The following ATAD2B variants were observed in gnomAD, a reference collection of about 807,000 sequenced individuals.
The protein encoded by ATAD2B is ATPase family AAA domain containing 2B.
Under a neutral mutation model 167.6 loss-of-function variants are expected in ATAD2B, and 40 were observed. The ratio of observed to expected loss-of-function variants is 0.24; its 90% CI spans 0.19 to 0.31. The LOEUF is 0.31. Ranked by LOEUF, ATAD2B falls within the 10% of genes least tolerant of loss-of-function variation. The pLI, the probability that ATAD2B is intolerant of heterozygous loss-of-function variation, is 1.00. For missense variants in ATAD2B, 1,242 were observed against 1,757.2 expected (o/e 0.71, Z 5.24); for synonymous variants, 579 against 596.5 (o/e 0.97, Z 0.43).
intron 8 of ATAD2B, 98 bp from the exon 9 acceptor site, chr2:23,869,859 C>A: frequency 1.3e-6 from 1 of 746,324 alleles, no homozygotes; most frequent in Non-Finnish European, 2.2e-6. Flanking sequence ...AAAATTCATT[C>A]AGCAAATATT....
At chr2:23,698,778 C>A in the ATAD2B span, among the ~76,000 whole-genome samples, 1 of 152,098 alleles carries the variant, frequency 6.6e-6, no homozygotes, top group Admixed American at 6.5e-5. Context: ...ATTAGCATAT[C>A]CTTCTCAAGC....
chr2:23,843,703 T>C (rs755120830), intron 13 of ATAD2B, among the ~76,000 whole-genome samples: 8 of 152,102 alleles, frequency 5.3e-5, no homozygotes, highest in Non-Finnish European at 1.2e-4. Context: ...AATCACTGCA[T>C]ACATGTGATG....
At chr2:23,797,519 A>G (rs551023026) in intron 19 of ATAD2B, among the ~76,000 whole-genome samples, 1 of 152,272 alleles carries the variant, frequency 6.6e-6, no homozygotes, top group East Asian at 1.9e-4. Flanking sequence ...TGAAAAGGAT[A>G]TAACTGATAG....
At chr2:23,681,610 AGGG>A in the ATAD2B span, among the ~76,000 whole-genome samples, 1 of 152,268 alleles carries the variant, frequency 6.6e-6, no homozygotes, top group Middle Eastern at 3.4e-3. The surrounding 1 kb of genome is among the most constrained non-coding windows in gnomAD (Gnocchi z 4.2). Context: ...CATGACACCC[AGGG>A]GGCTACCAAG....
intron 12 of ATAD2B, among the ~76,000 whole-genome samples, chr2:23,859,713 C>G (rs942338324): frequency 6.6e-6 from 1 of 151,888 alleles, no homozygotes; most frequent in African/African-American, 2.4e-5. Context: ...TTTGGGAGGT[C>G]GAGACAGGCG....
At chr2:23,746,504 T>C (rs936886722), downstream of ATAD2B, among the ~76,000 whole-genome samples, 5 of 152,248 alleles carry the variant, frequency 3.3e-5, no homozygotes, top group African/African-American at 1.2e-4. Flanking sequence ...CTCATCTTTA[T>C]GCTCCCTCAA....
chr2:23,825,708 G>C (rs183316852), intron 15 of ATAD2B, among the ~76,000 whole-genome samples: 60 of 152,092 alleles, frequency 3.9e-4, no homozygotes, highest in African/African-American at 1.4e-3. Flanking sequence ...TTCTTTAAAA[G>C]GATATACACA....
chr2:23,724,600 A>C, the ATAD2B span, among the ~76,000 whole-genome samples: 1 of 152,178 alleles, frequency 6.6e-6, no homozygotes, highest in African/African-American at 2.4e-5. Flanking sequence ...AGAAATGATT[A>C]CTGAAAACTT....
At chr2:23,842,716 C>T (rs2149819240) in intron 13 of ATAD2B, among the ~76,000 whole-genome samples, 1 of 152,256 alleles carries the variant, frequency 6.6e-6, no homozygotes, top group Admixed American at 6.5e-5. Context: ...CTAGTAAGGA[C>T]ACCCCAAACT....
At chr2:23,896,153 CAA>C (rs1158562523) in intron 1 of ATAD2B, among the ~76,000 whole-genome samples, 183 bp from the exon 2 acceptor site, 20 of 125,520 alleles carry the variant, frequency 1.6e-4, no homozygotes, top group Non-Finnish European at 1.9e-4. Context: ...CCGCCTCTAC[CAA>C]AAAAAAAAAA....
At chr2:23,818,004 T>C (rs914403607) in intron 17 of ATAD2B, among the ~76,000 whole-genome samples, 9 of 151,952 alleles carry the variant, frequency 5.9e-5, no homozygotes, top group Admixed American at 1.3e-4. Flanking sequence ...ATTAAACACG[T>C]CTTTTGATAC....
At chr2:23,904,068 G>A (rs1042136130) in intron 1 of ATAD2B, among the ~76,000 whole-genome samples, 2 of 152,090 alleles carry the variant, frequency 1.3e-5, no homozygotes, top group African/African-American at 4.8e-5. Flanking sequence ...GAAATCTAAG[G>A]AGAGGTCTAT....
chr2:23,816,122 G>T (rs1411327341), intron 17 of ATAD2B, among the ~76,000 whole-genome samples: 1 of 152,178 alleles, frequency 6.6e-6, no homozygotes, highest in Non-Finnish European at 1.5e-5. Flanking sequence ...CATCTATCTG[G>T]TTTGTAAAGA....
intron 19 of ATAD2B, 126 bp from the exon 20 acceptor site, chr2:23,788,773 G>C (rs1417425298): frequency 1.2e-6 from 1 of 816,588 alleles, no homozygotes; most frequent in Non-Finnish European, 1.8e-6. Context: ...TTCACATGGG[G>C]TTATAGTTAA....
the ATAD2B span, among the ~76,000 whole-genome samples, chr2:23,729,411 A>G: frequency 6.6e-6 from 1 of 152,298 alleles, no homozygotes; most frequent in East Asian, 1.9e-4. Flanking sequence ...CTGAACTAGC[A>G]TAAGGAAGTC....
intron 22 of ATAD2B, among the ~76,000 whole-genome samples, chr2:23,777,641 A>T (rs999928980): frequency 2.6e-5 from 4 of 152,204 alleles, no homozygotes; most frequent in Non-Finnish European, 4.4e-5. Context: ...ATTTTGAGAC[A>T]ACTAAAACAT....
chr2:23,693,593 C>A, the ATAD2B span: 1 of 1,477,210 alleles, frequency 6.8e-7, no homozygotes, highest in Non-Finnish European at 9.2e-7. Context: ...GCAATGGGGT[C>A]TGCAGCAAGG....
At chr2:23,821,185 C>A (rs1167243987) in intron 16 of ATAD2B, among the ~76,000 whole-genome samples, 1 of 152,022 alleles carries the variant, frequency 6.6e-6, no homozygotes, top group Non-Finnish European at 1.5e-5. Flanking sequence ...CCAACTGGAA[C>A]TAAAGCATAC....
At chr2:23,693,124 A>G in the ATAD2B span, 15 of 948,432 alleles carry the variant, frequency 1.6e-5, no homozygotes, top group Non-Finnish European at 2.1e-5. Context: ...GACACCCAGG[A>G]AGGGGGCCTG....
Sources: gnomAD v4.1 joint callset for allele counts (sites outside exome capture counted in the v4.1 genomes callset) on GRCh38, gnomAD v4.1.1 for gene constraint, Gnocchi (gnomAD v3.1) non-coding constraint, MANE v1.5 for transcripts, NCBI Gene and HGNC (gene_info 2026-07-23, HGNC 2026-07-21) for gene names.